RBFOX1: variants seen among roughly 807,000 people sequenced by gnomAD.
RBFOX1 encodes RNA binding fox-1 homolog 1.
In RBFOX1, 8 loss-of-function variants were observed where a neutral mutation model predicts 57.7. The observed-to-expected ratio is 0.14, with a 90% confidence interval of 0.08 to 0.25. The LOEUF is 0.25. Among genes scored for constraint, RBFOX1 ranks in the 10% least tolerant of loss-of-function variants. The pLI is 1.00. For synonymous variants in RBFOX1, 326 were observed against 222.4 expected (o/e 1.47, Z -4.15); for missense variants, 611 against 548.5 (o/e 1.11, Z -1.14).
intron 3 of RBFOX1, among the ~76,000 whole-genome samples, chr16:5,650,382 C>T (rs2049196980): frequency 6.6e-6 from 1 of 151,754 alleles, no homozygotes; most frequent in South Asian, 2.1e-4. Flanking sequence ...CGTCGAGGGC[C>T]TCCTCCATCA....
intron 4 of RBFOX1, among the ~76,000 whole-genome samples, chr16:7,507,766 T>A: frequency 6.6e-6 from 1 of 151,954 alleles, no homozygotes; most frequent in Non-Finnish European, 1.5e-5. Context: ...GGTTTCACCG[T>A]GTTAGCCAGG....
chr16:7,095,048 A>G (rs991656302), intron 4 of RBFOX1, among the ~76,000 whole-genome samples: 1 of 152,056 alleles, frequency 6.6e-6, no homozygotes, highest in Admixed American at 6.6e-5. Flanking sequence ...TTATTTGCAA[A>G]TCTGTCTATA....
At chr16:5,682,968 C>T (rs2050389524) in intron 3 of RBFOX1, among the ~76,000 whole-genome samples, 1 of 152,202 alleles carries the variant, frequency 6.6e-6, no homozygotes, top group African/African-American at 2.4e-5. Context: ...TGAATTGATA[C>T]TTCAGGACAA....
At chr16:5,869,602 A>G (rs4786064) in intron 4 of RBFOX1, among the ~76,000 whole-genome samples, 57,595 of 151,866 alleles carry the variant, frequency 0.38, 11,054 homozygotes, top group Non-Finnish European at 0.41. Flanking sequence ...GGGTTTCACC[A>G]TGTTGGCCAG....
intron 3 of RBFOX1, among the ~76,000 whole-genome samples, chr16:6,768,318 A>C (rs2077707350): frequency 6.6e-6 from 1 of 151,332 alleles, no homozygotes; most frequent in African/African-American, 2.4e-5. Flanking sequence ...GACAATAAAG[A>C]GTCTTATTAA....
At chr16:6,138,594 A>G (rs1054016975) in intron 1 of RBFOX1, among the ~76,000 whole-genome samples, 1 of 152,190 alleles carries the variant, frequency 6.6e-6, no homozygotes, top group Non-Finnish European at 1.5e-5. Flanking sequence ...TAGGAGCACC[A>G]TGGTGGCTCA....
chr16:5,746,211 C>T (rs2052974857), intron 3 of RBFOX1, among the ~76,000 whole-genome samples: 1 of 152,166 alleles, frequency 6.6e-6, no homozygotes. Flanking sequence ...TCCCCCATTT[C>T]TTGTTTTTGT....
At chr16:7,365,920 C>A (rs553302839) in intron 4 of RBFOX1, among the ~76,000 whole-genome samples, 53 of 152,294 alleles carry the variant, frequency 3.5e-4, no homozygotes, top group Non-Finnish European at 1.0e-4. Context: ...AGTTTCACTT[C>A]CACAAACTAG....
In RBFOX1 at chr16:5,856,601, A is replaced by ATATATATATATATATATATG. The variant is rs1321996342; in HGVS notation, c.319-10698_319-10697insTATATATATATATATGTATA. ...TATATATATATATATATATATATAT[A>ATATATATATATATATATATG]TATAATCTTAGCCAGATCTTCTGGA... On this transcript the variant is annotated intron_variant, in intron 3 of 19. Coordinates refer to the RBFOX1 transcript ENST00000641259. Among the ~76,000 whole-genome samples the ATATATATATATATATATATG allele has an allele frequency of 1.9e-3, 200 of 107,268 alleles. 5 individuals are homozygous for ATATATATATATATATATATG. The highest frequency in any genetic ancestry group is 6.9e-3 in the African/African-American group (190 of 27,500). 70.4% of individuals were successfully genotyped at this position (107,268 alleles called of 152,430 possible). A position where few individuals can be genotyped will look rare whatever the true frequency, so the allele number is the denominator to read the frequency against.
At position 6,612,643 on chromosome 16, in the gene RBFOX1, G is replaced by A. The variant is rs541952764; in HGVS notation, c.-63-41960G>A. Among the ~76,000 whole-genome samples the A allele has an allele frequency of 2.3e-3, 345 of 152,092 alleles. 1 individual carries two copies. Among genetic ancestry groups the A allele is most frequent in the Non-Finnish European group, 3.7e-3 (251 of 67,986 alleles). On this transcript the variant is annotated intron_variant, in intron 2 of 15. Coordinates refer to ENST00000550418, the MANE Select transcript of RBFOX1 (RefSeq NM_018723.4). ...GAGGCAGGTGGATGACTTGAGGTCA[G>A]GAGTTCAAGATCAGCCTGGCCAACA...
chr16:7,528,935 C>T (rs921725040), intron 5 of RBFOX1, among the ~76,000 whole-genome samples: 11 of 152,164 alleles, frequency 7.2e-5, no homozygotes, highest in African/African-American at 2.7e-4. Context: ...TCTCGTTGCA[C>T]ATATTTAAAA....
intron 4 of RBFOX1, among the ~76,000 whole-genome samples, chr16:7,091,291 G>C (rs913457726): frequency 1.3e-5 from 2 of 148,352 alleles, no homozygotes; most frequent in African/African-American, 5.0e-5. Context: ...TTACAAATTT[G>C]GTGTTCCATT....
chr16:7,705,466 C>T (rs1374360434), intron 14 of RBFOX1, among the ~76,000 whole-genome samples: 2 of 152,152 alleles, frequency 1.3e-5, no homozygotes, highest in Non-Finnish European at 2.9e-5. Context: ...GATTGTGCCA[C>T]TGCACTCCAG....
At chr16:7,704,905 C>T (rs1033450584) in intron 14 of RBFOX1, among the ~76,000 whole-genome samples, 15 of 151,806 alleles carry the variant, frequency 9.9e-5, no homozygotes, top group East Asian at 3.9e-4. Flanking sequence ...AATTTAGCCA[C>T]GTATGGTGAT....
chr16:7,434,736 A>ATTTTTTTTT (rs71147698), intron 4 of RBFOX1, among the ~76,000 whole-genome samples: 1 of 148,002 alleles, frequency 6.8e-6, no homozygotes, highest in African/African-American at 2.5e-5. Context: ...TCTTGTTAAC[A>ATTTTTTTTT]TTTTTTTTTT....
intron 4 of RBFOX1, among the ~76,000 whole-genome samples, chr16:7,147,463 C>G (rs151228110): frequency 6.6e-6 from 1 of 152,024 alleles, no homozygotes; most frequent in Non-Finnish European, 1.5e-5. Context: ...TCAACCCCGG[C>G]CTTCCCACTC....
chr16:6,432,019 C>G (rs987488110), intron 2 of RBFOX1, among the ~76,000 whole-genome samples: 3 of 151,354 alleles, frequency 2.0e-5, no homozygotes, highest in African/African-American at 7.3e-5. Context: ...TGTAGTGCCA[C>G]TGCACGACTA....
chr16:6,082,125 A>G (rs1464203975), intron 1 of RBFOX1, among the ~76,000 whole-genome samples: 1 of 151,246 alleles, frequency 6.6e-6, no homozygotes, highest in Non-Finnish European at 1.5e-5. Flanking sequence ...GTGGGAACCA[A>G]TGAGAAATTT....
intron 4 of RBFOX1, among the ~76,000 whole-genome samples, chr16:7,161,507 A>C (rs1225134554): frequency 1.3e-5 from 2 of 152,180 alleles, no homozygotes; most frequent in Non-Finnish European, 2.9e-5. Flanking sequence ...GTTAGGAATC[A>C]TTTTTAATTC....
Sources: allele counts gnomAD v4.1 joint callset (sites outside exome capture counted in the v4.1 genomes callset), GRCh38; gene constraint gnomAD v4.1.1; transcripts MANE v1.5; gene names NCBI Gene and HGNC (gene_info 2026-07-23, HGNC 2026-07-21).